Variants in PLA2G4A observed in about 807,000 individuals in gnomAD.
PLA2G4A encodes the protein cytosolic phospholipase A2.
Under a neutral mutation model 81.9 loss-of-function variants are expected in PLA2G4A, and 40 were observed. The ratio of observed to expected loss-of-function variants is 0.49; its 90% CI spans 0.38 to 0.64. PLA2G4A has a LOEUF of 0.64. PLA2G4A is among the 30% of genes least tolerant of loss of function. The pLI, the probability that PLA2G4A is intolerant of heterozygous loss-of-function variation, is 0.00. For missense variants in PLA2G4A, 715 were observed against 905.1 expected, an observed-to-expected ratio of 0.79 and a Z score of 2.69; for synonymous variants, 302 against 296.9, an observed-to-expected ratio of 1.02 and a Z score of -0.18.
At chr1:186,958,494 A>G (rs16826187) in intron 14 of PLA2G4A, among the ~76,000 whole-genome samples, 215 of 152,320 alleles carry the variant, frequency 1.4e-3, no homozygotes, top group African/African-American at 4.9e-3. Flanking sequence ...GCATGTCGAT[A>G]TATAGAGAAT....
intron 7 of PLA2G4A, among the ~76,000 whole-genome samples, chr1:186,923,664 G>A (rs1248804082): frequency 6.6e-6 from 1 of 152,222 alleles, no homozygotes; most frequent in Non-Finnish European, 1.5e-5. Context: ...CAGTAGAGAT[G>A]ATAGAAATTT....
chr1:186,871,700 C>G (rs1375633063), intron 3 of PLA2G4A, among the ~76,000 whole-genome samples: 1 of 151,904 alleles, frequency 6.6e-6, no homozygotes, highest in African/African-American at 2.4e-5. Context: ...GATGATAAGC[C>G]CTGGTAAGAC....
At chr1:186,866,509 G>A (rs980788403) in intron 2 of PLA2G4A, among the ~76,000 whole-genome samples, 1 of 152,082 alleles carries the variant, frequency 6.6e-6, no homozygotes, top group African/African-American at 2.4e-5. Context: ...AATATTAAAT[G>A]ACAGTTGGTG....
intron 10 of PLA2G4A, 59 bp downstream of exon 10, chr1:186,940,153 G>T: frequency 1.1e-6 from 1 of 928,292 alleles, no homozygotes; most frequent in Non-Finnish European, 1.8e-6. Flanking sequence ...GTTTCCCATG[G>T]TTTTCCTTAG....
intron 5 of PLA2G4A, among the ~76,000 whole-genome samples, chr1:186,902,165 G>C (rs1388485989): frequency 3.3e-5 from 5 of 152,080 alleles, no homozygotes; most frequent in Non-Finnish European, 7.4e-5. Context: ...GTAAGTATTT[G>C]CATATCTAAA....
At chr1:186,892,674 T>C (rs1019461645) in intron 3 of PLA2G4A, among the ~76,000 whole-genome samples, 3 of 152,158 alleles carry the variant, frequency 2.0e-5, no homozygotes, top group African/African-American at 7.2e-5. Flanking sequence ...GTGAAGGTCA[T>C]GTTGGCGTTA....
At chr1:186,920,415 T>G (rs1436791217) in intron 7 of PLA2G4A, among the ~76,000 whole-genome samples, 3 of 152,186 alleles carry the variant, frequency 2.0e-5, no homozygotes, top group African/African-American at 7.2e-5. Flanking sequence ...AGGGGGCGAC[T>G]GGGGTGGTCA....
rs767435883 is a variant in PLA2G4A, at chr1:186,868,418, C to A, written c.34-2017C>A. Among the ~76,000 whole-genome samples the A allele has an allele frequency of 6.6e-5, 10 of 152,232 alleles. No homozygotes were observed. In the Middle Eastern group the frequency reaches 0.01, roughly 155 times the overall value. On this transcript the variant is annotated intron_variant, in intron 2 of 17. Transcript: ENST00000367466. ...TTTCTATGTTGTTGGACTTGATTTG[C>A]TAATATTTTGATGAGAACTTTGGCA...
intron 1 of PLA2G4A, among the ~76,000 whole-genome samples, chr1:186,840,982 A>G (rs1651958195): frequency 6.6e-6 from 1 of 152,228 alleles, no homozygotes; most frequent in African/African-American, 2.4e-5. Flanking sequence ...TTTTCCTAGC[A>G]TTTTGTGCCA....
chr1:186,921,129 C>T (rs963545669), intron 7 of PLA2G4A, among the ~76,000 whole-genome samples: 2 of 152,050 alleles, frequency 1.3e-5, no homozygotes, highest in African/African-American at 4.8e-5. Context: ...CTATTAATGC[C>T]TCACGGTACC....
intron 5 of PLA2G4A, among the ~76,000 whole-genome samples, chr1:186,903,484 A>G (rs1165133562): frequency 6.6e-6 from 1 of 152,188 alleles, no homozygotes; most frequent in African/African-American, 2.4e-5. Context: ...TAGGCTCCGC[A>G]GCAGGAGGTG....
intron 7 of PLA2G4A, among the ~76,000 whole-genome samples, chr1:186,919,338 C>T (rs1003695669): frequency 6.6e-6 from 1 of 152,142 alleles, no homozygotes; most frequent in Non-Finnish European, 1.5e-5. Flanking sequence ...TCTTTCTGAC[C>T]CCAGGCTGCG....
At chr1:186,876,607 T>C (rs898810602) in intron 3 of PLA2G4A, among the ~76,000 whole-genome samples, 1 of 152,148 alleles carries the variant, frequency 6.6e-6, no homozygotes, top group African/African-American at 2.4e-5. Flanking sequence ...TGTTAAATGT[T>C]GTCTTCGTGG....
chr1:186,830,953 GCTTGCTTTCTTTCTTTCTTT>G (rs1185057500), intron 1 of PLA2G4A, among the ~76,000 whole-genome samples: 125 of 47,306 alleles, frequency 2.6e-3, no homozygotes, highest in East Asian at 0.016. Flanking sequence ...TTGCTTGCTT[GCTTGCTTTCTTTCTTTCTTT>G]CTTTCTTTCT....
At chr1:186,964,825 C>T (rs1485024617) in intron 14 of PLA2G4A, among the ~76,000 whole-genome samples, 1 of 152,156 alleles carries the variant, frequency 6.6e-6, no homozygotes, top group Non-Finnish European at 1.5e-5. Context: ...ATGGTAGTAG[C>T]CAACATATAT....
intron 7 of PLA2G4A, among the ~76,000 whole-genome samples, chr1:186,931,380 T>C (rs1655738440): frequency 6.6e-6 from 1 of 152,128 alleles, no homozygotes; most frequent in African/African-American, 2.4e-5. Flanking sequence ...CTAGTGTTTT[T>C]TGATTTAAGA....
At chr1:186,957,446 G>C (rs1255714224) in intron 14 of PLA2G4A, among the ~76,000 whole-genome samples, 1 of 152,248 alleles carries the variant, frequency 6.6e-6, no homozygotes, top group Non-Finnish European at 1.5e-5. Context: ...GTGCTTGGCA[G>C]CAGAAATAGT....
chr1:186,926,189 A>G (rs979595573), intron 7 of PLA2G4A, among the ~76,000 whole-genome samples: 1 of 152,020 alleles, frequency 6.6e-6, no homozygotes, highest in Non-Finnish European at 1.5e-5. Context: ...ACCTCTAGTC[A>G]CTCCTCCTTT....
chr1:186,927,484 G>A (rs1380453672), intron 7 of PLA2G4A, among the ~76,000 whole-genome samples: 4 of 152,158 alleles, frequency 2.6e-5, no homozygotes, highest in Non-Finnish European at 5.9e-5. Context: ...CAGTCTCTAT[G>A]TCCCCTAAAA....
Sources: gnomAD v4.1 joint callset for allele counts (sites outside exome capture counted in the v4.1 genomes callset) on GRCh38, gnomAD v4.1.1 for gene constraint, MANE v1.5 for transcripts, NCBI Gene and HGNC (gene_info 2026-07-23, HGNC 2026-07-21) for gene names.